Variants in SLC35A4 observed in about 807,000 individuals in gnomAD.
SLC35A4 encodes the protein solute carrier family 35 member A4, also known as probable UDP-sugar transporter protein SLC35A4.
A neutral mutation model predicts 18.8 loss-of-function variants in SLC35A4; 9 were observed. The ratio of observed to expected loss-of-function variants is 0.48; its 90% CI spans 0.29 to 0.83. The LOEUF is 0.83. SLC35A4 is among the 40% of genes least tolerant of loss of function. The probability of loss-of-function intolerance (pLI) is 0.09; values close to 1 mark genes in which losing one functional copy is unlikely to be tolerated. For missense variants in SLC35A4, 404 were observed against 415.5 expected, an observed-to-expected ratio of 0.97 and a Z score of 0.24; for synonymous variants, 189 against 191.9, an observed-to-expected ratio of 0.98 and a Z score of 0.13.
rs764960040 is a variant in SLC35A4 at position 140,567,073 on chromosome 5, C to T, written c.-97C>T. The T allele has an allele frequency of 9.5e-6, 15 of 1,577,092 alleles. No homozygotes were observed. The highest frequency in any genetic ancestry group is 1.7e-4 in the Middle Eastern group (1 of 6,026). Reference sequence around the variant, plus strand: ...CAGTATTCTCTCTGGCAATGTTCCACGGCTTCTCCTTCCTGGGAGCTGGCT... The same window carrying T: ...CAGTATTCTCTCTGGCAATGTTCCATGGCTTCTCCTTCCTGGGAGCTGGCT... On this transcript the variant is annotated 5_prime_UTR_variant, in exon 3 of 3. The change creates a new upstream start codon in the 5' untranslated region. Coordinates refer to ENST00000323146, the MANE Select transcript of SLC35A4 (RefSeq NM_080670.4).
rs576989582 is a variant in SLC35A4 at position 140,566,084 on chromosome 5, C to A, written c.-606+113C>A. ...AGCAAGTGATTATTGAGGGCCTATT[C>A]TCAGTCACCCTAAGGACAATTTTTC... On this transcript the variant is annotated intron_variant, in intron 2 of 2. Coordinates refer to ENST00000323146, the MANE Select transcript of SLC35A4 (RefSeq NM_080670.4). 1.0e-5 allele frequency: 4 copies of A among 396,534 alleles called. No individual in the cohort carries two copies. The Admixed American group carries it at 1.3e-4, about 13-fold the overall frequency. 24.6% of individuals were successfully genotyped at this position (396,534 alleles called of 1,614,324 possible). A position where few individuals can be genotyped will look rare whatever the true frequency, so the allele number is the denominator to read the frequency against.
At position 140,568,020 on chromosome 5, in the gene SLC35A4, C is replaced by T; in HGVS notation, c.851C>T (p.Ser284Phe). The T allele has an allele frequency of 6.2e-7, 1 of 1,614,038 alleles. No individual in the cohort carries two copies. Among genetic ancestry groups the T allele is most frequent in the Non-Finnish European group, 8.5e-7 (1 of 1,179,994 alleles). Residue 284 changes from serine to phenylalanine, a missense_variant, in exon 3 of 3, where the codon TCC becomes TTC. Physicochemically the swap from Ser to Phe is radical, Grantham distance 155 (BLOSUM62 -2). Transcript: ENST00000323146. The part of the protein sequence containing the change: ...GSSITRLFVV[S>F]CSLVVNAVLS... ...AGCATCACACGCCTCTTTGTGGTGTCCTGCTCGCTGGTGGTCAACGCCGTG... is the reference window on the plus strand; with the variant it reads ...AGCATCACACGCCTCTTTGTGGTGTTCTGCTCGCTGGTGGTCAACGCCGTG...
Position 140,568,162 on chromosome 5 carries a change from C to T in SLC35A4, c.*18C>T. 1 of 1,613,728 alleles carries T rather than the reference C, an allele frequency of 6.2e-7. No individual in the cohort carries two copies. Among genetic ancestry groups the T allele is most frequent in the East Asian group, 2.2e-5 (1 of 44,882 alleles). The stretch of plus-strand genomic sequence containing the variant: ...GCCGCTAGTCCCTGACAACTTCCAC[C>T]CTGATTCCGGACCCTGTAGATTGGG... On this transcript the variant is annotated 3_prime_UTR_variant, in exon 3 of 3. Transcript: ENST00000323146.
chr5:140,567,620 G>C lies in SLC35A4; in HGVS notation c.451G>C (p.Ala151Pro). 1 of 1,614,174 alleles carries C rather than the reference G, an allele frequency of 6.2e-7. No individual in the cohort carries two copies. The highest frequency in any genetic ancestry group is 8.5e-7 in the Non-Finnish European group (1 of 1,180,034). ...GGGGTTAGCGCTGCTGCTGCTGATG[G>C]CTGCGGGAGCCTGCTATGCAGCAGG... ...RQGLALLLLM[A>P]AGACYAAGGL... The change falls in exon 3 of 3, where the codon GCT becomes CCT. Residue 151 changes from alanine (A) to proline (P), a missense_variant. By Grantham distance (27) the Ala-to-Pro change is conservative. Transcript: ENST00000323146.
Position 140,568,422 on chromosome 5 carries a change from C to T in SLC35A4, c.*278C>T. ...CTAAAGAATTAAGGTAACATCAATA[C>T]CTAGGCCTGAGAAATAACCCCATCC... On this transcript the variant is annotated 3_prime_UTR_variant, in exon 3 of 3. Transcript: ENST00000323146. The T allele has an allele frequency of 2.0e-6, 1 of 509,974 alleles. No homozygotes were observed. The highest frequency in any genetic ancestry group is 3.6e-6 in the Non-Finnish European group (1 of 275,248). The allele number at this position is 509,974 out of a possible 1,614,324, so 31.6% of individuals were successfully genotyped here.
chr5:140,566,815 C>A lies in SLC35A4; in HGVS notation c.-355C>A, dbSNP rs891142005. On this transcript the variant is annotated 5_prime_UTR_variant, in exon 3 of 3. Transcript: ENST00000323146. ...GAGCAGCTCAGCCTTCAGGTGGAGA[C>A]ACTTTATCTGGATTCCCCAGCTGTC... The A allele has an allele frequency of 3.3e-6, 2 of 602,548 alleles. No homozygotes were observed. The highest frequency in any genetic ancestry group is 2.7e-5 in the East Asian group (1 of 36,410). 37.3% of individuals were successfully genotyped at this position (602,548 alleles called of 1,614,324 possible). A position where few individuals can be genotyped will look rare whatever the true frequency, so the allele number is the denominator to read the frequency against.
In SLC35A4 at chr5:140,568,225, C is replaced by G. The variant is rs530999822; in HGVS notation, c.*81C>G. On this transcript the variant is annotated 3_prime_UTR_variant, in exon 3 of 3. Coordinates refer to ENST00000323146, the MANE Select transcript of SLC35A4 (RefSeq NM_080670.4). ...ATCCCCCTCCCAGGCCTTCCTCCCT[C>G]TCCCATCAGCAGCCCTGTAACAAGT... The G allele has an allele frequency of 4.4e-6, 7 of 1,602,640 alleles. No individual in the cohort carries two copies. The highest frequency in any genetic ancestry group is 3.4e-5 in the Admixed American group (2 of 59,426).
At position 140,567,723 on chromosome 5, in the gene SLC35A4, C is replaced by T. The variant is rs762571205; in HGVS notation, c.554C>T (p.Thr185Ile). ...AAASPMPLHI[T>I]PLGLLLLILY... ...GCCAGCCCCATGCCCCTGCATATCACTCCGCTAGGCCTGCTGCTCCTCATT... is the reference window on the plus strand; with the variant it reads ...GCCAGCCCCATGCCCCTGCATATCATTCCGCTAGGCCTGCTGCTCCTCATT... Residue 185 changes from threonine to isoleucine, a missense_variant, in exon 3 of 3, where the codon ACT becomes ATT. Transcript: ENST00000323146. 1 of 1,614,194 alleles carries T rather than the reference C, an allele frequency of 6.2e-7. No homozygotes were observed. The highest frequency in any genetic ancestry group is 1.1e-5 in the South Asian group (1 of 91,088).
At position 140,567,102 on chromosome 5, in the gene SLC35A4, T is replaced by A. The variant is rs1755205556; in HGVS notation, c.-68T>A. The stretch of plus-strand genomic sequence containing the variant: ...TTCTCCTTCCTGGGAGCTGGCTCCA[T>A]AACTTGATTTTCCCCAAACGTGTTG... On this transcript the variant is annotated 5_prime_UTR_variant, in exon 3 of 3. Transcript: ENST00000323146. The A allele has an allele frequency of 1.4e-5, 22 of 1,611,392 alleles. No individual in the cohort carries two copies. Among genetic ancestry groups the A allele is most frequent in the Non-Finnish European group, 1.9e-5 (22 of 1,179,118 alleles).
At position 140,566,603 on chromosome 5, in the gene SLC35A4, C is replaced by G. The variant is rs1755193435; in HGVS notation, c.-567C>G. ...TGTCCTCCCCGTTCCTCAAGGGATT[C>G]CTGGCTGGCTATGTGGTGGCCAAAC... On this transcript the variant is annotated 5_prime_UTR_variant, in exon 3 of 3. Coordinates refer to ENST00000323146, the MANE Select transcript of SLC35A4 (RefSeq NM_080670.4). 2.3e-6 allele frequency: 1 copy of G among 435,794 alleles called. No individual in the cohort carries two copies. Among genetic ancestry groups the G allele is most frequent in the Non-Finnish European group, 4.0e-6 (1 of 248,068 alleles). The allele number at this position is 435,794 out of a possible 1,614,324, so 27.0% of individuals were successfully genotyped here. A position where few individuals can be genotyped will look rare whatever the true frequency, so the allele number is the denominator to read the frequency against.
Position 140,568,060 on chromosome 5 carries a change from G to A in SLC35A4, c.891G>A (p.Leu297=). The change falls in exon 3 of 3, where the codon CTG becomes CTA. Residue 297 remains leucine (L), a synonymous_variant. Transcript: ENST00000323146. ...TCAACGCCGTGCTCTCAGCAGTCCT[G>A]CTACGGCTGCAGCTCACAGCCGCCT... is the stretch of plus-strand genomic sequence containing the variant. ...LVVNAVLSAV[L]LRLQLTAAFF... is the part of the protein sequence containing the mutation. 2 of 1,613,942 alleles carry A rather than the reference G, an allele frequency of 1.2e-6. No homozygotes were observed. Among genetic ancestry groups the A allele is most frequent in the Non-Finnish European group, 1.7e-6 (2 of 1,180,034 alleles).
rs1755199625 is a variant in SLC35A4, at chr5:140,566,826, G to A, written c.-344G>A. The A allele has an allele frequency of 1.7e-6, 1 of 602,852 alleles. No individual in the cohort carries two copies. The highest frequency in any genetic ancestry group is 3.0e-6 in the Non-Finnish European group (1 of 338,340). The allele number at this position is 602,852 out of a possible 1,614,324, so 37.3% of individuals were successfully genotyped here. On this transcript the variant is annotated 5_prime_UTR_variant, in exon 3 of 3. It introduces an in-frame stop codon into an upstream open reading frame of the 5' UTR. Coordinates refer to ENST00000323146, the MANE Select transcript of SLC35A4 (RefSeq NM_080670.4). Reference sequence around the variant, plus strand: ...CCTTCAGGTGGAGACACTTTATCTGGATTCCCCAGCTGTCATCCATTTGCT... The same window carrying A: ...CCTTCAGGTGGAGACACTTTATCTGAATTCCCCAGCTGTCATCCATTTGCT...
At position 140,567,876 on chromosome 5, in the gene SLC35A4, A is replaced by AT. The variant is rs778075667; in HGVS notation, c.708dup (p.Ala237CysfsTer123). The AT allele has an allele frequency of 2.7e-5, 44 of 1,614,100 alleles. No homozygotes were observed. Among genetic ancestry groups the AT allele is most frequent in the Non-Finnish European group, 3.7e-5 (44 of 1,180,038 alleles). On this transcript the variant is annotated frameshift_variant, in exon 3 of 3. Transcript: ENST00000323146. LOFTEE classifies it high-confidence loss of function. ...GGTGTGCTTCTGAATCTAGGTCTGC[A>AT]TGCTGGCGGCGGCTCTGGCCCAGGC...
At position 140,566,683 on chromosome 5, in the gene SLC35A4, C is replaced by A; in HGVS notation, c.-487C>A. On this transcript the variant is annotated 5_prime_UTR_variant, in exon 3 of 3. Transcript: ENST00000323146. ...GTGGGCACCTGCACTGGCATCTATG[C>A]GGCTCAGGCATATGCTGTGCCCAAC... is the stretch of plus-strand genomic sequence containing the variant. 1.9e-6 allele frequency: 1 copy of A among 523,646 alleles called. No homozygotes were observed. The allele number at this position is 523,646 out of a possible 1,614,324, so 32.4% of individuals were successfully genotyped here.
At position 140,568,053 on chromosome 5, in the gene SLC35A4, C is replaced by T. The variant is rs138737879; in HGVS notation, c.884C>T (p.Ala295Val). 3 of 1,613,942 alleles carry T rather than the reference C, an allele frequency of 1.9e-6. No individual in the cohort carries two copies. Among genetic ancestry groups the T allele is most frequent in the Non-Finnish European group, 2.5e-6 (3 of 1,180,002 alleles). The stretch of plus-strand genomic sequence containing the variant: ...CTGGTGGTCAACGCCGTGCTCTCAG[C>T]AGTCCTGCTACGGCTGCAGCTCACA... ...CSLVVNAVLS[A>V]VLLRLQLTAA... The change falls in exon 3 of 3, where the codon GCA becomes GTA. Residue 295 changes from alanine to valine, a missense_variant. Physicochemically the swap from Ala to Val is moderately conservative, Grantham distance 64. Transcript: ENST00000323146.
Position 140,567,468 on chromosome 5 carries a change from A to G in SLC35A4, c.299A>G (p.Asn100Ser). The change falls in exon 3 of 3, where the codon AAC (asparagine) becomes AGC (serine). Residue 100 changes from asparagine to serine, a missense_variant. Asn to Ser is a conservative substitution (Grantham distance 46). Transcript: ENST00000323146. ...ALSALLYGAN[N>S]NLVIYLQRYM... Reference sequence around the variant, plus strand: ...TCAGCCCTGCTCTATGGCGCTAACAACAACCTGGTGATCTATCTTCAGCGT... The same window carrying G: ...TCAGCCCTGCTCTATGGCGCTAACAGCAACCTGGTGATCTATCTTCAGCGT... The G allele has an allele frequency of 1.2e-6, 2 of 1,614,164 alleles. No homozygotes were observed. The highest frequency in any genetic ancestry group is 1.7e-6 in the Non-Finnish European group (2 of 1,180,030).
rs1168793184 is a variant in SLC35A4, at chr5:140,567,644, G to A, written c.475G>A (p.Gly159Arg). Residue 159 changes from glycine (G) to arginine (R), a missense_variant, in exon 3 of 3, where the codon GGG (glycine) becomes AGG (arginine). Gly to Arg is a moderately radical substitution (Grantham distance 125). Coordinates refer to ENST00000323146, the MANE Select transcript of SLC35A4 (RefSeq NM_080670.4). The part of the protein sequence containing the change: ...LMAAGACYAA[G>R]GLQVPGNTLP... ...GGCTGCGGGAGCCTGCTATGCAGCA[G>A]GGGGCCTTCAAGTTCCCGGGAACAC... 1 of 1,614,116 alleles carries A rather than the reference G, an allele frequency of 6.2e-7. No individual in the cohort carries two copies. Among genetic ancestry groups the A allele is most frequent in the Admixed American group, 1.7e-5 (1 of 60,034 alleles).
chr5:140,566,975 C>G lies in SLC35A4; in HGVS notation c.-195C>G, dbSNP rs541982884. The G allele has an allele frequency of 2.1e-5, 17 of 828,400 alleles. No individual in the cohort carries two copies. The East Asian group carries it at 4.0e-4, about 19-fold the overall frequency. 51.3% of individuals were successfully genotyped at this position (828,400 alleles called of 1,614,324 possible). On this transcript the variant is annotated 5_prime_UTR_variant, in exon 3 of 3. Transcript: ENST00000323146. ...TAGCTCCATGGGACTCGCCCCAAGACTGTGGCTTCAAGGACCACCAGCCCC... is the reference window on the plus strand; with the variant it reads ...TAGCTCCATGGGACTCGCCCCAAGAGTGTGGCTTCAAGGACCACCAGCCCC...
Position 140,565,669 on chromosome 5 carries a change from C to T in SLC35A4, c.-704-204C>T, listed in dbSNP as rs137955338. ...TGATGTAAGTTACTGGTTCAGATCC[C>T]ATCTGTCAGTCCCTTCCTGGCCCTC... On this transcript the variant is annotated intron_variant, in intron 1 of 2. Transcript: ENST00000323146. The T allele has an allele frequency of 7.0e-3, 2,556 of 366,652 alleles. 66 individuals are homozygous for T. The highest frequency in any genetic ancestry group is 0.048 in the African/African-American group (2,302 of 48,042). The allele number at this position is 366,652 out of a possible 1,614,324, so 22.7% of individuals were successfully genotyped here.
Sources: allele counts gnomAD v4.1 joint callset, GRCh38; gene constraint gnomAD v4.1.1; transcripts MANE v1.5; gene names NCBI Gene and HGNC (gene_info 2026-07-23, HGNC 2026-07-21).